The following FIP1L1 variants were observed in gnomAD, a reference collection of about 807,000 sequenced individuals.
FIP1L1 encodes the protein pre-mRNA 3'-end-processing factor FIP1.
A neutral mutation model predicts 84.6 loss-of-function variants in FIP1L1; 21 were observed. That is an observed-to-expected ratio of 0.25 (90% CI 0.18 to 0.36). FIP1L1 has a LOEUF of 0.36. FIP1L1 is among the 10% of genes least tolerant of loss of function. The pLI is 1.00. For missense variants in FIP1L1, 526 were observed against 751.1 expected (o/e 0.70, Z 3.50); for synonymous variants, 263 against 242.3 (o/e 1.09, Z -0.80).
chr4:53,396,551 G>A (rs182230551), intron 9 of FIP1L1, among the ~76,000 whole-genome samples: 10 of 151,960 alleles, frequency 6.6e-5, no homozygotes, highest in Admixed American at 2.0e-4. Flanking sequence ...GATTACAGGC[G>A]CCTGCCACCA....
intron 15 of FIP1L1, among the ~76,000 whole-genome samples, chr4:53,449,500 A>G (rs1775534038): frequency 6.6e-6 from 1 of 152,200 alleles, no homozygotes; most frequent in Admixed American, 6.5e-5. Flanking sequence ...TTTTCTAGAT[A>G]AACACTGATA....
chr4:53,409,027 G>A (rs1755519610), intron 10 of FIP1L1, among the ~76,000 whole-genome samples: 2 of 152,170 alleles, frequency 1.3e-5, no homozygotes, highest in East Asian at 1.9e-4. Context: ...GCTTTGTTCC[G>A]TTGCTTGTGA....
intron 13 of FIP1L1, among the ~76,000 whole-genome samples, chr4:53,436,077 G>GT (rs5858211): frequency 0.56 from 84,525 of 152,046 alleles, 25,333 homozygotes; most frequent in Non-Finnish European, 0.67. Context: ...AATAGGAAGC[G>GT]TAGTTTACAT....
At chr4:53,390,216 A>C (rs1236348948) in intron 6 of FIP1L1, among the ~76,000 whole-genome samples, 1 of 152,084 alleles carries the variant, frequency 6.6e-6, no homozygotes, top group Non-Finnish European at 1.5e-5. Context: ...TTGGGATTCC[A>C]TGTGTGAGCC....
intron 14 of FIP1L1, among the ~76,000 whole-genome samples, 168 bp from the exon 15 acceptor site, chr4:53,443,880 G>GT (rs1026459078): frequency 6.6e-6 from 1 of 150,946 alleles, no homozygotes; most frequent in African/African-American, 2.4e-5. Flanking sequence ...TATTTTTTAG[G>GT]TTAAAAAAAA....
intron 10 of FIP1L1, among the ~76,000 whole-genome samples, 184 bp downstream of exon 10, chr4:53,400,023 G>A (rs1295912484): frequency 6.6e-6 from 1 of 152,114 alleles, no homozygotes; most frequent in African/African-American, 2.4e-5. Context: ...AAAAGCCTAG[G>A]GTAAGCAAGA....
rs1431403684 is a variant in FIP1L1, at chr4:53,414,693, A to C, written c.894A>C (p.Arg298=). ...CAAGCGTTGGGAAGTGGCAGGATCG[A>C]TATGGGAGGGCCGAATCACCTGATC... is the stretch of plus-strand genomic sequence containing the variant. ...ANSSVGKWQD[R]YGRAESPDLR... is the part of the protein sequence containing the mutation. The change falls in exon 11 of 18, where the codon CGA becomes CGC. Residue 298 remains arginine, a synonymous_variant. Transcript: ENST00000337488. The C allele has an allele frequency of 6.2e-7, 1 of 1,613,192 alleles. No individual in the cohort carries two copies. The highest frequency in any genetic ancestry group is 8.5e-7 in the Non-Finnish European group (1 of 1,179,430).
chr4:53,409,005 A>G (rs960823178), intron 10 of FIP1L1, among the ~76,000 whole-genome samples: 1 of 152,234 alleles, frequency 6.6e-6, no homozygotes, highest in African/African-American at 2.4e-5. Flanking sequence ...CGTCAAAGGC[A>G]TTCTCTGTCC....
In FIP1L1 at chr4:53,382,352, A is replaced by G. The variant is rs776192519; in HGVS notation, c.228+17A>G. The G allele has an allele frequency of 8.1e-6, 13 of 1,600,436 alleles. No individual in the cohort carries two copies. In the South Asian group the frequency reaches 1.4e-4, roughly 18 times the overall value. ...CCAAAACCGGTAACATAAGGCTTTG[A>G]AATCCAGTTACTGATACAAATCTTT... On this transcript the variant is annotated intron_variant, in intron 4 of 17. Coordinates refer to ENST00000337488, the MANE Select transcript of FIP1L1 (RefSeq NM_030917.4).
rs546530928 is a variant in FIP1L1, at chr4:53,440,437, A to G, written c.1175-2216A>G. The G allele has an allele frequency of 5.4e-6, 3 of 556,222 alleles. 1 individual carries two copies. In the Admixed American group the frequency reaches 1.1e-4, roughly 20 times the overall value. The allele number at this position is 556,222 out of a possible 1,614,324, so 34.5% of individuals were successfully genotyped here. A position where few individuals can be genotyped will look rare whatever the true frequency, so the allele number is the denominator to read the frequency against. On this transcript the variant is annotated intron_variant, in intron 13 of 17. Transcript: ENST00000337488. Reference sequence around the variant, plus strand: ...ATACTCGAATTGTTAGTCCTCTACGAGAAAACAGAATGGTTCTCTTGAGTG... The same window carrying G: ...ATACTCGAATTGTTAGTCCTCTACGGGAAAACAGAATGGTTCTCTTGAGTG...
intron 13 of FIP1L1, among the ~76,000 whole-genome samples, chr4:53,438,482 AT>A (rs1770458745): frequency 6.6e-6 from 1 of 152,234 alleles, no homozygotes; most frequent in African/African-American, 2.4e-5. Context: ...TCTTGTTTTA[AT>A]GAACATTTAC....
chr4:53,410,161 G>T (rs765609015), intron 10 of FIP1L1, among the ~76,000 whole-genome samples: 1 of 152,128 alleles, frequency 6.6e-6, no homozygotes, highest in Non-Finnish European at 1.5e-5. Flanking sequence ...ACTTTTCATC[G>T]CACATCACAG....
intron 15 of FIP1L1, among the ~76,000 whole-genome samples, chr4:53,448,661 A>G (rs7689981): frequency 0.56 from 84,415 of 151,908 alleles, 25,299 homozygotes; most frequent in Non-Finnish European, 0.67. Flanking sequence ...ATTTGAACCT[A>G]TGTTGCCTGG....
At chr4:53,406,222 G>T (rs565522992) in intron 10 of FIP1L1, among the ~76,000 whole-genome samples, 4 of 119,808 alleles carry the variant, frequency 3.3e-5, no homozygotes, top group East Asian at 2.8e-4. Context: ...TAGCATGAAG[G>T]GTTGTTGAAT....
rs1753831064 is a variant in FIP1L1, at chr4:53,406,875, T to C, written c.815+7036T>C. Among the ~76,000 whole-genome samples the C allele has an allele frequency of 2.0e-5, 3 of 152,368 alleles. No individual in the cohort carries two copies. The South Asian group carries it at 6.2e-4, about 32-fold the overall frequency. ...GTGATATCCCCTTTGTCATTTTTTA[T>C]TGTGTGTATTTGATTCTTTTCTCTT... is the stretch of plus-strand genomic sequence containing the variant. On this transcript the variant is annotated intron_variant, in intron 10 of 17. Coordinates refer to ENST00000337488, the MANE Select transcript of FIP1L1 (RefSeq NM_030917.4).
intron 11 of FIP1L1, 55 bp from the exon 12 acceptor site, chr4:53,425,817 A>AT (rs905364155): frequency 7.1e-6 from 9 of 1,271,526 alleles, no homozygotes; most frequent in African/African-American, 1.5e-5. Flanking sequence ...TGCTTTTATT[A>AT]TTTTTTAAGC....
intron 3 of FIP1L1, 84 bp downstream of exon 3, chr4:53,379,348 A>G (rs2149234637): frequency 1.7e-6 from 2 of 1,182,526 alleles, no homozygotes; most frequent in Non-Finnish European, 2.4e-6. Context: ...TTTTCTTACA[A>G]TCATTGGCTT....
At chr4:53,424,599 C>T (rs1328354010) in intron 11 of FIP1L1, among the ~76,000 whole-genome samples, 1 of 152,054 alleles carries the variant, frequency 6.6e-6, no homozygotes, top group Non-Finnish European at 1.5e-5. Flanking sequence ...TGGGAACTGA[C>T]TATGTACTTG....
intron 11 of FIP1L1, among the ~76,000 whole-genome samples, chr4:53,417,826 A>G (rs1760513783): frequency 9.1e-6 from 1 of 110,306 alleles, no homozygotes; most frequent in East Asian, 2.5e-4. Context: ...CTCTCAGGCT[A>G]CTTTTTCTCT....
Sources: gnomAD v4.1 joint callset for allele counts (sites outside exome capture counted in the v4.1 genomes callset) on GRCh38, gnomAD v4.1.1 for gene constraint, MANE v1.5 for transcripts, NCBI Gene and HGNC (gene_info 2026-07-23, HGNC 2026-07-21) for gene names.